PLXNB3: variants seen among roughly 807,000 people sequenced by gnomAD.
The protein encoded by PLXNB3 is plexin B3.
A neutral mutation model predicts 125.7 loss-of-function variants in PLXNB3; 80 were observed. The observed-to-expected ratio is 0.64, with a 90% CI of 0.53 to 0.77. PLXNB3 has a LOEUF of 0.77. Among genes scored for constraint, PLXNB3 ranks in the 30% least tolerant of loss-of-function variants. The pLI is 0.00. For missense variants in PLXNB3, 1,836 were observed against 1,729.3 expected (o/e 1.06, Z -1.09); for synonymous variants, 954 against 783.3 (o/e 1.22, Z -3.64).
chrX:153,775,002 C>A lies in PLXNB3; in HGVS notation c.4054C>A (p.Pro1352Thr). 1 of 1,206,715 alleles carries A rather than the reference C, an allele frequency of 8.3e-7. No individual in the cohort carries two copies. Among genetic ancestry groups the A allele is most frequent in the African/African-American group, 1.7e-5 (1 of 58,077 alleles). The part of the protein sequence containing the change: ...FPGHGGCPLQ[P>T]KPEGPGEDGH... ...TGGCCATGGCGGTTGCCCGCTGCAG[C>A]CCAAGCCTGAGGGGCCAGGGGAGGA... The change falls in exon 24 of 36, where the codon CCC becomes ACC. Residue 1352 changes from proline (P) to threonine (T), a missense_variant. Coordinates refer to ENST00000361971, the MANE Select transcript of PLXNB3 (RefSeq NM_005393.3).
chrX:153,778,534 G>C (rs782445041), intron 34 of PLXNB3, 63 bp downstream of exon 34: 38 of 1,180,248 alleles, frequency 3.2e-5, no homozygotes, highest in Admixed American at 3.1e-4. Context: ...CAGAGCAGAG[G>C]GGGGAGACTT....
chrX:153,769,290 G>A (rs1410696010), intron 6 of PLXNB3, 28 bp downstream of exon 6: 2 of 1,080,709 alleles, frequency 1.9e-6, no homozygotes, highest in Admixed American at 5.3e-5. Context: ...GCCTAGGCTA[G>A]GGCCAACGGG....
At position 153,772,026 on chromosome X, in the gene PLXNB3, T is replaced by TG. The variant is rs1557062148; in HGVS notation, c.2669+13dup. 1 of 1,184,215 alleles carries TG rather than the reference T, an allele frequency of 8.4e-7. No individual in the cohort carries two copies. The highest frequency in any genetic ancestry group is 2.3e-5 in the Admixed American group (1 of 44,037). The stretch of plus-strand genomic sequence containing the variant: ...CCGCACGTCGGCCCGGTGAGGCACT[T>TG]GGAGGGTGAAGATGGGTGGGGAGGC... On this transcript the variant is annotated intron_variant, in intron 15 of 35. Coordinates refer to ENST00000361971, the MANE Select transcript of PLXNB3 (RefSeq NM_005393.3).
chrX:153,772,699 G>C (rs2091945283), intron 16 of PLXNB3, 187 bp from the exon 17 acceptor site: 1 of 1,026,682 alleles, frequency 9.7e-7, no homozygotes, highest in African/African-American at 2.0e-5. Context: ...CATGCGGCAG[G>C]GGTGGGTGGG....
intron 6 of PLXNB3, 147 bp from the exon 7 acceptor site, chrX:153,769,660 C>A (rs1389080709): frequency 1.6e-6 from 1 of 636,353 alleles, no homozygotes; most frequent in Non-Finnish European, 2.4e-6. Flanking sequence ...TGCTTGGCCC[C>A]TTTCTCTCTG....
Position 153,768,237 on chromosome X carries a change from C to T in PLXNB3, c.1087-12C>T, listed in dbSNP as rs782163310. 2.6e-6 allele frequency: 3 copies of T among 1,176,148 alleles called. No homozygotes were observed. The highest frequency in any genetic ancestry group is 3.4e-6 in the Non-Finnish European group (3 of 871,846). On this transcript the variant is annotated splice_polypyrimidine_tract_variant and intron_variant, in intron 3 of 35. Transcript: ENST00000361971. ...TCTTCCGGGGGCTGATTCTCCACTT[C>T]CTGCCACGTAGGATTCCCCCGAGTC...
rs781885131 is a variant in PLXNB3 at position 153,770,519 on chromosome X, C to T, written c.1896-9C>T. The T allele has an allele frequency of 2.5e-6, 3 of 1,207,979 alleles. No homozygotes were observed. In the African/African-American group the frequency reaches 5.2e-5, roughly 21 times the overall value. ...GGCACTCAGTTGAGCAGCCACCCTG[C>T]CCCTCTAGGTGTCGCGCTTGCGTGG... On this transcript the variant is annotated splice_polypyrimidine_tract_variant and intron_variant, in intron 9 of 35. Coordinates refer to ENST00000361971, the MANE Select transcript of PLXNB3 (RefSeq NM_005393.3).
Position 153,776,635 on chromosome X carries a change from G to C in PLXNB3, c.4833+176G>C, listed in dbSNP as rs1250897233. 3.6e-4 allele frequency among the ~76,000 whole-genome samples: 15 copies of C among 42,121 alleles called. 1 individual carries two copies. Among genetic ancestry groups the C allele is most frequent in the African/African-American group, 1.4e-3 (14 of 9,854 alleles). The allele number at this position is 42,121 out of a possible 115,157, so 36.6% of individuals were successfully genotyped here. The stretch of plus-strand genomic sequence containing the variant: ...GGGTGGGGAGGGGCGAGGCAGAGCA[G>C]GGCAGGGCTGGGGCGGGGCGAGGCA... On this transcript the variant is annotated intron_variant, in intron 28 of 35. Coordinates refer to ENST00000361971, the MANE Select transcript of PLXNB3 (RefSeq NM_005393.3).
At position 153,767,145 on chromosome X, in the gene PLXNB3, G is replaced by A. The variant is rs782180269; in HGVS notation, c.318G>A (p.Glu106=). The A allele has an allele frequency of 2.5e-6, 3 of 1,209,201 alleles. No homozygotes were observed. Among genetic ancestry groups the A allele is most frequent in the South Asian group, 1.8e-5 (1 of 56,699 alleles). Residue 106 remains glutamate (E), a synonymous_variant, in exon 3 of 36, where the codon GAG becomes GAA. Transcript: ENST00000361971. The stretch of plus-strand genomic sequence containing the variant: ...GCGTGCCCTTCCGTGACCCAGCCGA[G>A]TGCCCACAGGCCCAGCTCACTGACA... The part of the protein sequence containing the change: ...PDCVPFRDPA[E]CPQAQLTDNA...
At chrX:153,773,098 C>T (rs2091951005) in intron 17 of PLXNB3, 82 bp downstream of exon 17, 2 of 1,072,699 alleles carry the variant, frequency 1.9e-6, no homozygotes. Flanking sequence ...GAAGTGGTTG[C>T]TGTGGCCACC....
intron 26 of PLXNB3, 99 bp from the exon 27 acceptor site, chrX:153,775,788 C>A: frequency 9.1e-7 from 1 of 1,099,504 alleles, no homozygotes; most frequent in Non-Finnish European, 1.2e-6. Context: ...AAGGGAAGGA[C>A]TTTGAACCCT....
intron 33 of PLXNB3, 28 bp downstream of exon 33, chrX:153,778,353 G>A (rs2092019053): frequency 8.3e-7 from 1 of 1,206,851 alleles, no homozygotes; most frequent in African/African-American, 1.7e-5. Flanking sequence ...CGGGGCTGCG[G>A]GGAAGGGGGC....
rs782134820 is a variant in PLXNB3 at position 153,774,478 on chromosome X, C to T, written c.3737C>T (p.Pro1246Leu). ...LGPVQYEAEP[P>L]LSAFPVEAQA... is the part of the protein sequence containing the mutation. ...CCTGTGCAGTACGAGGCTGAACCCC[C>T]GCTGTCTGCCTTTCCCGTGGAGGCC... Residue 1246 changes from proline (P) to leucine (L), a missense_variant, in exon 22 of 36, where the codon CCG (proline) becomes CTG (leucine). By Grantham distance (98) the Pro-to-Leu change is moderately conservative. Transcript: ENST00000361971. 49 of 1,204,566 alleles carry T rather than the reference C, an allele frequency of 4.1e-5. No homozygotes were observed. The highest frequency in any genetic ancestry group is 8.8e-5 in the Admixed American group (4 of 45,473).
chrX:153,775,527 G>A, intron 25 of PLXNB3, 67 bp from the exon 26 acceptor site: 1 of 1,165,016 alleles, frequency 8.6e-7, no homozygotes, highest in Admixed American at 2.2e-5. Flanking sequence ...GTGGGGGGAA[G>A]GAAAGTGAGA....
rs782036304 is a variant in PLXNB3 at position 153,775,871 on chromosome X, C to T, written c.4402-16C>T. The T allele has an allele frequency of 5.0e-6, 6 of 1,197,887 alleles. No homozygotes were observed. Among genetic ancestry groups the T allele is most frequent in the Non-Finnish European group, 6.8e-6 (6 of 886,175 alleles). ...CTCCCTCGCTTGGCTGATGCCGGCT[C>T]ATCTTGGCAGTGCAGGAGGTGGCTG... is the stretch of plus-strand genomic sequence containing the variant. On this transcript the variant is annotated splice_polypyrimidine_tract_variant and intron_variant, in intron 26 of 35. Coordinates refer to ENST00000361971, the MANE Select transcript of PLXNB3 (RefSeq NM_005393.3).
chrX:153,774,610 C>T, intron 22 of PLXNB3, 39 bp downstream of exon 22: 6 of 1,171,770 alleles, frequency 5.1e-6, no homozygotes, highest in Non-Finnish European at 6.9e-6. Context: ...CCCTCCTCGC[C>T]ATTGGCAAGG....
Position 153,770,752 on chromosome X carries a change from TC to T in PLXNB3, c.2011-3del, listed in dbSNP as rs782190721. The T allele has an allele frequency of 8.3e-7, 1 of 1,203,252 alleles. No homozygotes were observed. Among genetic ancestry groups the T allele is most frequent in the Non-Finnish European group, 1.1e-6 (1 of 889,938 alleles). ...TCTGAAGGGCTGAGGGCTCTTGTTT[TC>T]CCAGGTGGACATCCAGGTGCGTGGC... On this transcript the variant is annotated splice_polypyrimidine_tract_variant and splice_region_variant and intron_variant, in intron 10 of 35. Coordinates refer to ENST00000361971, the MANE Select transcript of PLXNB3 (RefSeq NM_005393.3).
Position 153,769,324 on chromosome X carries a change from C to T in PLXNB3, c.1496+62C>T, listed in dbSNP as rs1313491117. The T allele has an allele frequency of 1.0e-5, 10 of 959,314 alleles. No homozygotes were observed. The African/African-American group carries it at 1.9e-4, about 18-fold the overall frequency. The allele number at this position is 959,314 out of a possible 1,213,427, so 79.1% of individuals were successfully genotyped here. A position where few individuals can be genotyped will look rare whatever the true frequency, so the allele number is the denominator to read the frequency against. ...GGTGGTGTGTGCCACGAGGCTGCCCCTGGAAGTAGCCCTAGGCGTGCCGGG... is the reference window on the plus strand; with the variant it reads ...GGTGGTGTGTGCCACGAGGCTGCCCTTGGAAGTAGCCCTAGGCGTGCCGGG... On this transcript the variant is annotated intron_variant, in intron 6 of 35. Transcript: ENST00000361971.
At position 153,770,770 on chromosome X, in the gene PLXNB3, G is replaced by A. The variant is rs150768754; in HGVS notation, c.2023G>A (p.Val675Met). The change falls in exon 11 of 36, where the codon GTG becomes ATG. Residue 675 changes from valine (V) to methionine (M), a missense_variant. Val to Met is a conservative substitution (Grantham distance 21). Coordinates refer to ENST00000361971, the MANE Select transcript of PLXNB3 (RefSeq NM_005393.3). ...IYSAQEVDIQ[V>M]RGPGACPQVE... ...CTTGTTTTCCCAGGTGGACATCCAG[G>A]TGCGTGGCCCAGGGGCTTGCCCACA... The A allele has an allele frequency of 7.9e-4, 958 of 1,205,319 alleles. No individual in the cohort carries two copies. The highest frequency in any genetic ancestry group is 9.5e-4 in the Non-Finnish European group (844 of 891,357).
Sources: allele counts gnomAD v4.1 joint callset (sites outside exome capture counted in the v4.1 genomes callset), GRCh38; gene constraint gnomAD v4.1.1; transcripts MANE v1.5; gene names NCBI Gene and HGNC (gene_info 2026-07-23, HGNC 2026-07-21).